Variants in RAD18 observed in about 807,000 individuals in gnomAD.
RAD18 encodes the protein E3 ubiquitin-protein ligase RAD18.
A neutral mutation model predicts 60.4 loss-of-function variants in RAD18; 47 were observed. The observed-to-expected ratio is 0.78, with a 90% CI of 0.62 to 0.99. The LOEUF (loss-of-function observed/expected upper bound fraction) is 0.99, where lower values mean the gene tolerates loss of function less well. Ranked by LOEUF, RAD18 falls within the 50% of genes least tolerant of loss-of-function variation. RAD18 has a pLI of 0.00. For synonymous variants in RAD18, 225 were observed against 195.5 expected (o/e 1.15, Z -1.26); for missense variants, 640 against 593.3 (o/e 1.08, Z -0.82).
chr3:8,884,252 C>T (rs895186654), intron 12 of RAD18, among the ~76,000 whole-genome samples: 2 of 152,184 alleles, frequency 1.3e-5, no homozygotes, highest in Admixed American at 6.5e-5. Flanking sequence ...GAGATTCAGA[C>T]ATTTTTCTTG....
chr3:8,928,204 G>A (rs1344480831), intron 7 of RAD18, among the ~76,000 whole-genome samples: 2 of 151,680 alleles, frequency 1.3e-5, no homozygotes, highest in Admixed American at 6.6e-5. Flanking sequence ...AGTATAGCTC[G>A]TAAAATGAAG....
At chr3:8,910,078 C>T (rs1329003816) in intron 9 of RAD18, among the ~76,000 whole-genome samples, 1 of 152,080 alleles carries the variant, frequency 6.6e-6, no homozygotes, top group African/African-American at 2.4e-5. Context: ...ACAAGAAATT[C>T]CAGAAGAGCA....
intron 4 of RAD18, among the ~76,000 whole-genome samples, chr3:8,942,490 A>G (rs955878860): frequency 2.0e-5 from 3 of 152,218 alleles, no homozygotes; most frequent in African/African-American, 7.2e-5. Flanking sequence ...TAGCAATGTA[A>G]GAATGGCCTA....
At chr3:8,928,049 T>TAAAAAAAA (rs58756851) in intron 7 of RAD18, among the ~76,000 whole-genome samples, 2 of 121,728 alleles carry the variant, frequency 1.6e-5, no homozygotes, top group African/African-American at 2.8e-5. Flanking sequence ...CCCTAAAACT[T>TAAAAAAAA]AAAAAAAAAA....
intron 2 of RAD18, among the ~76,000 whole-genome samples, chr3:8,950,174 G>C (rs548545995): frequency 6.6e-6 from 1 of 152,058 alleles, no homozygotes; most frequent in Non-Finnish European, 1.5e-5. Context: ...GGGATTACAG[G>C]TGTGCGCCAC....
At chr3:8,955,833 G>C (rs953062651) in intron 2 of RAD18, among the ~76,000 whole-genome samples, 5 of 152,186 alleles carry the variant, frequency 3.3e-5, no homozygotes, top group African/African-American at 9.7e-5. Context: ...AAGCTGACTA[G>C]TAAAGATCTT....
At chr3:8,932,264 T>C (rs1940574195) in intron 7 of RAD18, among the ~76,000 whole-genome samples, 1 of 152,126 alleles carries the variant, frequency 6.6e-6, no homozygotes, top group African/African-American at 2.4e-5. Context: ...AAAGATAAAA[T>C]ATTCACAACA....
At chr3:8,941,433 G>T (rs1486228199) in intron 5 of RAD18, 34 bp downstream of exon 5, 8 of 1,479,918 alleles carry the variant, frequency 5.4e-6, no homozygotes, top group Non-Finnish European at 7.4e-6. Context: ...ATGAAAAGAT[G>T]TCCATATTTC....
intron 2 of RAD18, among the ~76,000 whole-genome samples, chr3:8,957,310 T>C (rs747384254): frequency 2.6e-5 from 4 of 152,082 alleles, no homozygotes; most frequent in Non-Finnish European, 5.9e-5. Context: ...TTGGTAGAAA[T>C]TGACAACCTG....
At chr3:8,889,712 G>C (rs917618457) in intron 12 of RAD18, among the ~76,000 whole-genome samples, 2 of 152,162 alleles carry the variant, frequency 1.3e-5, no homozygotes, top group African/African-American at 4.8e-5. Context: ...AATAATAAGA[G>C]ATGAGTCTGG....
chr3:8,936,554 A>G (rs899955385), intron 6 of RAD18, among the ~76,000 whole-genome samples: 4 of 152,202 alleles, frequency 2.6e-5, no homozygotes, highest in Non-Finnish European at 5.9e-5. Context: ...CAGGTTCTCT[A>G]CCTGGCTCAG....
intron 9 of RAD18, among the ~76,000 whole-genome samples, chr3:8,903,107 T>C (rs566218007): frequency 6.6e-6 from 1 of 151,884 alleles, no homozygotes; most frequent in African/African-American, 2.4e-5. Context: ...TTGCAATAAA[T>C]TTAAAAGCTG....
At chr3:8,937,096 C>T (rs903300285) in intron 6 of RAD18, among the ~76,000 whole-genome samples, 2 of 152,188 alleles carry the variant, frequency 1.3e-5, no homozygotes, top group Admixed American at 1.3e-4. Context: ...TTATATTTTT[C>T]TGAAAATTGC....
chr3:8,912,453 A>G, intron 8 of RAD18, 81 bp from the exon 9 acceptor site: 1 of 956,804 alleles, frequency 1.0e-6, no homozygotes, highest in Non-Finnish European at 1.5e-6. Flanking sequence ...TCAAATCTCA[A>G]ATGTGAGTGT....
At chr3:8,928,249 CA>C (rs1218428130) in intron 7 of RAD18, among the ~76,000 whole-genome samples, 1 of 150,704 alleles carries the variant, frequency 6.6e-6, no homozygotes, top group Non-Finnish European at 1.5e-5. Flanking sequence ...TCAGTTAATC[CA>C]AAAAAAAGCA....
chr3:8,959,638 G>A (rs1941065005), intron 1 of RAD18, among the ~76,000 whole-genome samples: 2 of 152,204 alleles, frequency 1.3e-5, no homozygotes, highest in African/African-American at 4.8e-5. Flanking sequence ...AGGGAAAGTG[G>A]ACAACTTGGA....
chr3:8,952,950 C>A (rs1940950138), intron 2 of RAD18, among the ~76,000 whole-genome samples: 1 of 152,020 alleles, frequency 6.6e-6, no homozygotes, highest in South Asian at 2.1e-4. Flanking sequence ...TATCATAAGC[C>A]AAAATGTATT....
At chr3:8,890,330 A>G (rs904171827) in intron 12 of RAD18, 59 bp downstream of exon 12, 11 of 1,318,872 alleles carry the variant, frequency 8.3e-6, no homozygotes, top group Non-Finnish European at 1.2e-5. Flanking sequence ...AATCAGCTGC[A>G]TAGAAGTATA....
intron 9 of RAD18, 139 bp downstream of exon 9, chr3:8,912,172 CA>C: frequency 4.6e-6 from 3 of 652,434 alleles, no homozygotes; most frequent in Non-Finnish European, 5.0e-6. Context: ...AGTAAACACC[CA>C]ATTAAAATTC....
Sources: gnomAD v4.1 joint callset for allele counts (sites outside exome capture counted in the v4.1 genomes callset) on GRCh38, gnomAD v4.1.1 for gene constraint, MANE v1.5 for transcripts, NCBI Gene and HGNC (gene_info 2026-07-23, HGNC 2026-07-21) for gene names.